CD200R1: variants seen among roughly 807,000 people sequenced by gnomAD.
CD200R1 encodes the protein CD200 receptor 1, also known as cell surface glycoprotein CD200 receptor 1.
In CD200R1, 30 loss-of-function variants were observed where a neutral mutation model predicts 38.1. The ratio of observed to expected loss-of-function variants is 0.79; its 90% confidence interval spans 0.59 to 1.07. CD200R1 has a LOEUF of 1.07. CD200R1 is among the 50% of genes least tolerant of loss of function. The pLI, the probability that CD200R1 is intolerant of heterozygous loss-of-function variation, is 0.00. For synonymous variants in CD200R1, 128 were observed against 152.1 expected, an observed-to-expected ratio of 0.84 and a Z score of 1.16; for missense variants, 372 against 415.4, an observed-to-expected ratio of 0.90 and a Z score of 0.91.
At chr3:112,954,025 T>C (rs1941031052) in intron 1 of CD200R1, among the ~76,000 whole-genome samples, 1 of 152,114 alleles carries the variant, frequency 6.6e-6, no homozygotes, top group Admixed American at 6.5e-5. Flanking sequence ...TTCGGTTGTT[T>C]ATTTGAGATT....
rs189685039 is a variant in CD200R1 at position 112,943,499 on chromosome 3, A to G, written c.136+4357T>C. 7.0e-3 allele frequency among the ~76,000 whole-genome samples: 1,062 copies of G among 151,980 alleles called. 15 individuals carry two copies. Among genetic ancestry groups the G allele is most frequent in the South Asian group, 0.031 (150 of 4,834 alleles). ...GAGTAGTTCTTAGAGGGAAATTTAT[A>G]GCATTGAATGCACATATTAGAAAAT... On this transcript the variant is annotated intron_variant, in intron 2 of 7. Coordinates refer to ENST00000308611, the MANE Select transcript of CD200R1 (RefSeq NM_138806.4).
chr3:112,948,360 G>C (rs147045124), intron 1 of CD200R1, among the ~76,000 whole-genome samples: 2 of 152,244 alleles, frequency 1.3e-5, no homozygotes, highest in African/African-American at 4.8e-5. Flanking sequence ...ATCTATGATG[G>C]GAAAACGGTC....
intron 2 of CD200R1, among the ~76,000 whole-genome samples, chr3:112,933,155 C>G (rs1428583167): frequency 6.6e-6 from 1 of 152,222 alleles, no homozygotes; most frequent in Non-Finnish European, 1.5e-5. Flanking sequence ...CCACTCTCAG[C>G]AGACATGCCC....
intron 2 of CD200R1, among the ~76,000 whole-genome samples, chr3:112,933,088 A>G (rs1018704569): frequency 6.6e-6 from 1 of 152,174 alleles, no homozygotes; most frequent in African/African-American, 2.4e-5. Context: ...ACATACCTAC[A>G]GACCAGCTGA....
intron 1 of CD200R1, among the ~76,000 whole-genome samples, chr3:112,952,439 T>C (rs1940987235): frequency 6.6e-6 from 1 of 152,154 alleles, no homozygotes; most frequent in South Asian, 2.1e-4. Flanking sequence ...ATGTACACCA[T>C]GGAATACTAT....
chr3:112,972,090 T>TAC (rs376380700), intron 1 of CD200R1, among the ~76,000 whole-genome samples: 2 of 152,142 alleles, frequency 1.3e-5, no homozygotes, highest in Admixed American at 6.6e-5. Flanking sequence ...GGCACTATTC[T>TAC]ACACACACAC....
intron 1 of CD200R1, 105 bp from the exon 2 acceptor site, chr3:112,948,029 A>G: frequency 1.3e-6 from 1 of 760,132 alleles, no homozygotes; most frequent in Non-Finnish European, 2.3e-6. Context: ...CTATTTTTGT[A>G]TTGCAGTTGC....
chr3:112,964,773 G>A (rs1020665808), intron 1 of CD200R1, among the ~76,000 whole-genome samples: 4 of 152,144 alleles, frequency 2.6e-5, no homozygotes, highest in Admixed American at 2.6e-4. Context: ...GAAATGTGAG[G>A]ACATGAGATT....
chr3:112,966,884 T>G (rs991143139), intron 1 of CD200R1, among the ~76,000 whole-genome samples: 5 of 152,118 alleles, frequency 3.3e-5, no homozygotes, highest in Non-Finnish European at 7.4e-5. Flanking sequence ...ACTCACTCCC[T>G]CCTCAATACC....
chr3:112,969,409 A>G (rs976590594), intron 1 of CD200R1, among the ~76,000 whole-genome samples: 1 of 152,248 alleles, frequency 6.6e-6, no homozygotes, highest in African/African-American at 2.4e-5. Flanking sequence ...AAATAATACC[A>G]GGTAGAAACT....
chr3:112,924,453 C>A, intron 7 of CD200R1, 37 bp downstream of exon 7: 3 of 1,284,100 alleles, frequency 2.3e-6, no homozygotes, highest in South Asian at 4.5e-5. Flanking sequence ...AGACTATTGG[C>A]TTAAGTTTGC....
In CD200R1 at chr3:112,948,180, T is replaced by C. The variant is rs186302674; in HGVS notation, c.68-256A>G. 3.9e-5 allele frequency among the ~76,000 whole-genome samples: 6 copies of C among 152,298 alleles called. No homozygotes were observed. The East Asian group carries it at 1.2e-3, about 29-fold the overall frequency. On this transcript the variant is annotated intron_variant, in intron 1 of 7. Coordinates refer to ENST00000308611, the MANE Select transcript of CD200R1 (RefSeq NM_138806.4). ...CCCATCACCCCCCTCTTGCTTTATA[T>C]TCAAGTCTTCTTCCAGGCTTTTAGT...
At chr3:112,966,122 A>G (rs1933155111) in intron 1 of CD200R1, among the ~76,000 whole-genome samples, 1 of 152,220 alleles carries the variant, frequency 6.6e-6, no homozygotes, top group Non-Finnish European at 1.5e-5. Context: ...ACATTAAAGA[A>G]GTCCACACTG....
chr3:112,938,733 A>C (rs1421281707), intron 2 of CD200R1, among the ~76,000 whole-genome samples: 1 of 152,102 alleles, frequency 6.6e-6, no homozygotes, highest in South Asian at 2.1e-4. Context: ...TATTCCAAAA[A>C]ATTGAATGTA....
intron 1 of CD200R1, among the ~76,000 whole-genome samples, chr3:112,970,582 T>G (rs537831713): frequency 1.3e-5 from 2 of 152,194 alleles, no homozygotes; most frequent in African/African-American, 4.8e-5. Context: ...AAAAACATGT[T>G]GATGGCTACT....
Position 112,929,359 on chromosome 3 carries a change from C to T in CD200R1, c.351G>A (p.Glu117=), listed in dbSNP as rs778113461. The change falls in exon 4 of 8, where the codon GAG becomes GAA. Residue 117 remains glutamate, a synonymous_variant. Coordinates refer to ENST00000308611, the MANE Select transcript of CD200R1 (RefSeq NM_138806.4). ...CATCAGTACAGTTGGTTTCCTTGGT[C>T]TCATTTGTTTCTTTCTTGTAGGCTT... ...CTKAYKKETN[E]TKETNCTDER... is the part of the protein sequence containing the mutation. 8.7e-6 allele frequency: 14 copies of T among 1,613,906 alleles called. No individual in the cohort carries two copies. The highest frequency in any genetic ancestry group is 1.0e-5 in the Non-Finnish European group (12 of 1,179,998).
At chr3:112,959,698 T>C (rs985998483) in intron 1 of CD200R1, among the ~76,000 whole-genome samples, 7 of 152,114 alleles carry the variant, frequency 4.6e-5, no homozygotes, top group Non-Finnish European at 7.4e-5. Context: ...CTTTTAACCC[T>C]TGAAGTCTAT....
chr3:112,964,104 T>A (rs1933092412), intron 1 of CD200R1, among the ~76,000 whole-genome samples: 1 of 152,212 alleles, frequency 6.6e-6, no homozygotes, highest in Admixed American at 6.5e-5. Context: ...TGCCTAGATT[T>A]CAGAGGATGT....
chr3:112,974,639 TA>T, intron 1 of CD200R1, 151 bp downstream of exon 1: 1 of 630,600 alleles, frequency 1.6e-6, no homozygotes, highest in Non-Finnish European at 2.8e-6. Flanking sequence ...GATAATAAAG[TA>T]AACTAGATAT....
Sources: allele counts gnomAD v4.1 joint callset (sites outside exome capture counted in the v4.1 genomes callset), GRCh38; gene constraint gnomAD v4.1.1; transcripts MANE v1.5; gene names NCBI Gene and HGNC (gene_info 2026-07-23, HGNC 2026-07-21).